Variants in BMPR1B observed in about 807,000 individuals in gnomAD.
BMPR1B encodes bone morphogenetic protein receptor type-1B.
In BMPR1B, 12 loss-of-function variants were observed where a neutral mutation model predicts 59.1. The observed-to-expected ratio is 0.20, with a 90% confidence interval of 0.13 to 0.33. BMPR1B has a LOEUF of 0.33. Ranked by LOEUF, BMPR1B falls within the 10% of genes least tolerant of loss-of-function variation. The pLI is 1.00. For synonymous variants in BMPR1B, 237 were observed against 207.3 expected (o/e 1.14, Z -1.23); for missense variants, 550 against 610.9 (o/e 0.90, Z 1.05).
rs570939823 is a variant in BMPR1B, at chr4:95,061,593, T to A, written c.-17-42815T>A. On this transcript the variant is annotated intron_variant, in intron 3 of 12. Coordinates refer to ENST00000515059, the MANE Select transcript of BMPR1B (RefSeq NM_001203.3). ...ATTTTTATTATCTACTTTTGTTTTC[T>A]CATTTTTGAAAGCGAAGAAAATGAA... 1.8e-4 allele frequency among the ~76,000 whole-genome samples: 28 copies of A among 152,362 alleles called. No homozygotes were observed. In the South Asian group the frequency reaches 3.5e-3, roughly 19 times the overall value.
chr4:94,785,904 G>A (rs1722746541), intron 1 of BMPR1B, among the ~76,000 whole-genome samples: 1 of 152,102 alleles, frequency 6.6e-6, no homozygotes, highest in East Asian at 1.9e-4. Flanking sequence ...GGAGAAAATA[G>A]CCCTACTTTC....
intron 11 of BMPR1B, among the ~76,000 whole-genome samples, chr4:95,150,691 G>T (rs1183048355): frequency 6.6e-6 from 1 of 152,146 alleles, no homozygotes; most frequent in South Asian, 2.1e-4. Flanking sequence ...AAACAGCAGG[G>T]TATTAATTGC....
chr4:94,909,014 C>G (rs1728174430), intron 2 of BMPR1B, among the ~76,000 whole-genome samples: 1 of 152,006 alleles, frequency 6.6e-6, no homozygotes, highest in African/African-American at 2.4e-5. Context: ...GGAAAGAATC[C>G]TTTCTTGCCT....
At chr4:94,950,936 T>A (rs1729909283) in intron 2 of BMPR1B, among the ~76,000 whole-genome samples, 1 of 152,230 alleles carries the variant, frequency 6.6e-6, no homozygotes, top group Admixed American at 6.5e-5. Context: ...TTCCATTTGT[T>A]TGTGTCCTCT....
At chr4:94,839,827 C>A (rs556965177) in intron 1 of BMPR1B, among the ~76,000 whole-genome samples, 1 of 148,454 alleles carries the variant, frequency 6.7e-6, no homozygotes, top group South Asian at 2.2e-4. Context: ...TTATTTTGCT[C>A]GTTAGTTGAT....
intron 2 of BMPR1B, among the ~76,000 whole-genome samples, chr4:94,891,260 A>G (rs1214979472): frequency 6.6e-6 from 1 of 152,114 alleles, no homozygotes. Flanking sequence ...GAGATAAAGC[A>G]ATAAAACTTG....
At chr4:94,955,078 C>T (rs1730091020) in intron 2 of BMPR1B, among the ~76,000 whole-genome samples, 1 of 152,150 alleles carries the variant, frequency 6.6e-6, no homozygotes, top group South Asian at 2.1e-4. Context: ...TTATAGTATG[C>T]ATATTTCTAT....
intron 1 of BMPR1B, among the ~76,000 whole-genome samples, chr4:94,839,207 G>GGT (rs1203869684): frequency 7.8e-6 from 1 of 128,264 alleles, no homozygotes; most frequent in Non-Finnish European, 1.7e-5. Flanking sequence ...GAATAGGTGT[G>GGT]GTGTGGTGCT....
intron 2 of BMPR1B, among the ~76,000 whole-genome samples, chr4:94,901,143 A>T: frequency 6.6e-6 from 1 of 152,106 alleles, no homozygotes; most frequent in East Asian, 2.0e-4. Flanking sequence ...TCCTGGGTAC[A>T]TTGGTCATTG....
intron 3 of BMPR1B, among the ~76,000 whole-genome samples, chr4:95,031,326 C>T (rs931996098): frequency 5.3e-5 from 8 of 151,972 alleles, no homozygotes; most frequent in Admixed American, 2.0e-4. Context: ...GGAATGTGAT[C>T]GGGAGTGGAA....
chr4:94,971,066 G>A (rs1430119870), intron 2 of BMPR1B, among the ~76,000 whole-genome samples: 1 of 152,128 alleles, frequency 6.6e-6, no homozygotes, highest in African/African-American at 2.4e-5. Flanking sequence ...TAAAATGGTG[G>A]TGCAGCAATA....
At chr4:95,020,159 G>A (rs1723868351) in intron 3 of BMPR1B, among the ~76,000 whole-genome samples, 1 of 152,034 alleles carries the variant, frequency 6.6e-6, no homozygotes, top group Admixed American at 6.6e-5. Flanking sequence ...TGTCTCCCAG[G>A]GGACATTTGG....
At chr4:95,100,479 A>T (rs1730739487) in intron 3 of BMPR1B, among the ~76,000 whole-genome samples, 1 of 151,818 alleles carries the variant, frequency 6.6e-6, no homozygotes, top group South Asian at 2.1e-4. Context: ...TCCTCTCTAT[A>T]AAAAAAATTA....
chr4:94,823,349 C>G (rs1724270542), intron 1 of BMPR1B, among the ~76,000 whole-genome samples: 1 of 152,124 alleles, frequency 6.6e-6, no homozygotes. Context: ...AGAAAGTTAG[C>G]TTGGTTCACT....
At chr4:95,068,521 A>G (rs114721148) in intron 3 of BMPR1B, among the ~76,000 whole-genome samples, 150 of 152,210 alleles carry the variant, frequency 9.9e-4, no homozygotes, top group African/African-American at 3.2e-3. Context: ...ACCCTCTTTG[A>G]TGCAGCACAT....
chr4:95,075,761 A>T (rs916139331), intron 3 of BMPR1B, among the ~76,000 whole-genome samples: 1 of 151,778 alleles, frequency 6.6e-6, no homozygotes, highest in African/African-American at 2.4e-5. Context: ...ACAGTCAGTT[A>T]TTTCCATGTT....
chr4:95,062,747 A>C (rs540747918), intron 3 of BMPR1B, among the ~76,000 whole-genome samples: 1 of 152,130 alleles, frequency 6.6e-6, no homozygotes, highest in South Asian at 2.1e-4. Context: ...CTAGATTTAC[A>C]CATTTGATTT....
chr4:94,969,266 A>C (rs767631965), intron 2 of BMPR1B, among the ~76,000 whole-genome samples: 3 of 151,774 alleles, frequency 2.0e-5, no homozygotes, highest in Non-Finnish European at 4.4e-5. Flanking sequence ...TGATCTCTTG[A>C]CCTCGTGATC....
chr4:95,071,652 G>GTGTGTGTA (rs59539011), intron 3 of BMPR1B, among the ~76,000 whole-genome samples: 1 of 84,342 alleles, frequency 1.2e-5, no homozygotes, highest in South Asian at 4.6e-4. Flanking sequence ...GTGTGTGTGT[G>GTGTGTGTA]TATATATATA....
Sources: gnomAD v4.1 joint callset for allele counts (sites outside exome capture counted in the v4.1 genomes callset) on GRCh38, gnomAD v4.1.1 for gene constraint, MANE v1.5 for transcripts, NCBI Gene and HGNC (gene_info 2026-07-23, HGNC 2026-07-21) for gene names.